The following CCDC178 variants were observed in gnomAD, a reference collection of about 807,000 sequenced individuals.
CCDC178 encodes the protein coiled-coil domain-containing protein 178.
A neutral mutation model predicts 117.4 loss-of-function variants in CCDC178; 126 were observed. The ratio of observed to expected loss-of-function variants is 1.07; its 90% confidence interval spans 0.93 to 1.24. The LOEUF (loss-of-function observed/expected upper bound fraction) is 1.24, where lower values mean the gene tolerates loss of function less well. Among genes scored for constraint, CCDC178 ranks in the 50% most tolerant of loss-of-function variants. CCDC178 has a pLI of 0.00. For synonymous variants in CCDC178, 283 were observed against 313.4 expected, an observed-to-expected ratio of 0.90 and a Z score of 1.02; for missense variants, 1,030 against 986.9, an observed-to-expected ratio of 1.04 and a Z score of -0.59.
intron 10 of CCDC178, among the ~76,000 whole-genome samples, chr18:33,327,109 T>C (rs1255789209): frequency 6.6e-6 from 1 of 152,166 alleles, no homozygotes; most frequent in Non-Finnish European, 1.5e-5. Flanking sequence ...CAAACAAAAC[T>C]CGATATTACA....
At chr18:33,394,418 A>C (rs575085040) in intron 4 of CCDC178, among the ~76,000 whole-genome samples, 2 of 152,142 alleles carry the variant, frequency 1.3e-5, no homozygotes, top group African/African-American at 4.8e-5. Context: ...CTAAGATTTA[A>C]ACTTTGTGTC....
intron 21 of CCDC178, among the ~76,000 whole-genome samples, chr18:33,018,504 T>A (rs2056044447): frequency 6.6e-6 from 1 of 152,042 alleles, no homozygotes; most frequent in Non-Finnish European, 1.5e-5. Context: ...CATCAAGTGA[T>A]GAATGAATAA....
At chr18:33,155,213 G>GA (rs2058380287) in intron 20 of CCDC178, among the ~76,000 whole-genome samples, 1 of 151,904 alleles carries the variant, frequency 6.6e-6, no homozygotes, top group Admixed American at 6.6e-5. Flanking sequence ...AAGATATCGA[G>GA]AAAATCCTTA....
intron 2 of CCDC178, among the ~76,000 whole-genome samples, chr18:33,429,776 C>A (rs2144963722): frequency 6.6e-6 from 1 of 152,202 alleles, no homozygotes; most frequent in Middle Eastern, 3.4e-3. Flanking sequence ...ATGGTCATTA[C>A]AGCTAGAGAA....
At chr18:33,197,798 T>C (rs1012813107) in intron 20 of CCDC178, among the ~76,000 whole-genome samples, 1 of 152,112 alleles carries the variant, frequency 6.6e-6, no homozygotes, top group Non-Finnish European at 1.5e-5. Context: ...TTCTACTAAT[T>C]TTTTTTGCTT....
intron 12 of CCDC178, among the ~76,000 whole-genome samples, chr18:33,282,618 A>C (rs2060038792): frequency 6.6e-6 from 1 of 152,076 alleles, no homozygotes; most frequent in South Asian, 2.1e-4. Flanking sequence ...CTGTGCCCAC[A>C]CACCAGCCCA....
intron 21 of CCDC178, among the ~76,000 whole-genome samples, chr18:33,061,526 C>T (rs955289146): frequency 2.6e-5 from 4 of 152,180 alleles, no homozygotes; most frequent in East Asian, 3.9e-4. Context: ...TTCCTGATAT[C>T]GTACACTTTT....
intron 12 of CCDC178, among the ~76,000 whole-genome samples, chr18:33,268,549 A>G (rs1292399641): frequency 6.6e-6 from 1 of 151,878 alleles, no homozygotes; most frequent in Admixed American, 6.6e-5. Flanking sequence ...TTTCACTTGC[A>G]TAATCTTGGG....
At chr18:33,024,374 G>A (rs2056182038) in intron 21 of CCDC178, among the ~76,000 whole-genome samples, 1 of 152,030 alleles carries the variant, frequency 6.6e-6, no homozygotes, top group Admixed American at 6.5e-5. Flanking sequence ...GCTGCTTTCT[G>A]TCTTTCTCCT....
chr18:33,281,630 A>G (rs9956019), intron 12 of CCDC178, among the ~76,000 whole-genome samples: 10,478 of 152,238 alleles, frequency 0.069, 560 homozygotes, highest in African/African-American at 0.14. Context: ...TCAATTCATA[A>G]AGATGTCTTC....
chr18:33,000,334 A>G (rs1004095536), intron 21 of CCDC178, among the ~76,000 whole-genome samples: 1 of 152,124 alleles, frequency 6.6e-6, no homozygotes, highest in Non-Finnish European at 1.5e-5. Context: ...AAGCACACCT[A>G]CAAGATCTAG....
intron 22 of CCDC178, among the ~76,000 whole-genome samples, chr18:32,962,212 A>G (rs1406191786): frequency 6.6e-6 from 1 of 151,900 alleles, no homozygotes; most frequent in African/African-American, 2.4e-5. Flanking sequence ...ACTCGAATTT[A>G]TTTTGCATTT....
intron 21 of CCDC178, among the ~76,000 whole-genome samples, chr18:33,017,057 A>G (rs946522565): frequency 6.6e-6 from 1 of 151,956 alleles, no homozygotes; most frequent in African/African-American, 2.4e-5. Context: ...AAGACAATAA[A>G]TATGTGAATA....
intron 8 of CCDC178, among the ~76,000 whole-genome samples, chr18:33,348,405 A>G (rs946023040): frequency 6.6e-6 from 1 of 151,950 alleles, no homozygotes; most frequent in Non-Finnish European, 1.5e-5. Flanking sequence ...CACAACTTAA[A>G]TATATACTAG....
chr18:33,366,810 C>T (rs1285290015), intron 6 of CCDC178, among the ~76,000 whole-genome samples: 3 of 152,008 alleles, frequency 2.0e-5, no homozygotes, highest in African/African-American at 7.2e-5. Context: ...GTTGTTCTCC[C>T]AGCACCAGAT....
At chr18:33,179,269 A>G (rs2058706875) in intron 20 of CCDC178, among the ~76,000 whole-genome samples, 1 of 150,376 alleles carries the variant, frequency 6.6e-6, no homozygotes, top group African/African-American at 2.4e-5. Context: ...TGTAAAAAAT[A>G]TAGATGTAGA....
chr18:33,366,339 C>A (rs1006873146), intron 6 of CCDC178, among the ~76,000 whole-genome samples: 1 of 151,938 alleles, frequency 6.6e-6, no homozygotes, highest in African/African-American at 2.4e-5. Flanking sequence ...ATACCCCTTT[C>A]TCTTTTGCTT....
At chr18:33,191,422 C>A (rs1365550748) in intron 20 of CCDC178, among the ~76,000 whole-genome samples, 1 of 152,024 alleles carries the variant, frequency 6.6e-6, no homozygotes, top group Non-Finnish European at 1.5e-5. Flanking sequence ...TACTTTATTT[C>A]AACTTTGAAT....
At chr18:33,240,136 AC>A (rs1199132860) in intron 15 of CCDC178, among the ~76,000 whole-genome samples, 1 of 151,910 alleles carries the variant, frequency 6.6e-6, no homozygotes, top group African/African-American at 2.4e-5. Context: ...CTTCTGAAAG[AC>A]CAATGGGTGA....
Sources: allele counts gnomAD v4.1 joint callset (sites outside exome capture counted in the v4.1 genomes callset), GRCh38; gene constraint gnomAD v4.1.1; transcripts MANE v1.5; gene names NCBI Gene and HGNC (gene_info 2026-07-23, HGNC 2026-07-21).